APC: variants seen among roughly 807,000 people sequenced by gnomAD.
APC encodes adenomatous polyposis coli protein.
In APC, 72 loss-of-function variants were observed where a neutral mutation model predicts 247.0. The observed-to-expected ratio is 0.29, with a 90% CI of 0.24 to 0.35. The LOEUF is 0.35. APC is among the 10% of genes least tolerant of loss of function. The pLI, the probability that APC is intolerant of heterozygous loss-of-function variation, is 1.00. For synonymous variants in APC, 1,254 were observed against 1,162.5 expected (o/e 1.08, Z -1.60); for missense variants, 3,400 against 3,360.7 (o/e 1.01, Z -0.29).
In APC at chr5:112,715,401, C is replaced by G. The variant is rs138877361; in HGVS notation, c.165+7519C>G. Among the ~76,000 whole-genome samples the G allele has an allele frequency of 5.3e-4, 80 of 152,206 alleles. 1 individual carries two copies. Among genetic ancestry groups the G allele is most frequent in the African/African-American group, 1.9e-3 (77 of 41,536 alleles). On this transcript the variant is annotated intron_variant, in intron 1 of 13. Coordinates refer to the APC transcript ENST00000507379. ...AATAGAATAAAATAGGTTCAGGGGA[C>G]AGGGGATACTACTTTAGTTTGGTAA...
intron 1 of APC, among the ~76,000 whole-genome samples, chr5:112,724,366 G>A (rs763673934): frequency 3.7e-4 from 57 of 152,116 alleles, no homozygotes; most frequent in African/African-American, 1.4e-3. Context: ...CTTAGGATAG[G>A]TATAGACAGC....
rs879253876 is a variant in APC, at chr5:112,838,610, C to T, written c.3016C>T (p.His1006Tyr). The T allele has an allele frequency of 5.0e-6, 8 of 1,613,938 alleles. No homozygotes were observed. Among genetic ancestry groups the T allele is most frequent in the Non-Finnish European group, 6.8e-6 (8 of 1,180,012 alleles). The change falls in exon 16 of 16, where the codon CAT (histidine) becomes TAT (tyrosine). Residue 1006 changes from histidine (H) to tyrosine (Y), a missense_variant. By Grantham distance (83) the His-to-Tyr change is moderately conservative (BLOSUM62 2). Transcript: ENST00000257430. ...TGGTCAATACCCAGCCGACCTAGCC[C>T]ATAAAATACATAGTGCAAATCATAT... is the stretch of plus-strand genomic sequence containing the variant. ...SYGQYPADLAHKIHSANHMDD... is the reference protein window; with the variant it reads ...SYGQYPADLAYKIHSANHMDD...
chr5:112,838,805 C>T lies in APC; in HGVS notation c.3211C>T (p.Gln1071Ter), dbSNP rs876659539. The T allele has an allele frequency of 6.2e-7, 1 of 1,614,092 alleles. No individual in the cohort carries two copies. The highest frequency in any genetic ancestry group is 8.5e-7 in the Non-Finnish European group (1 of 1,179,998). The change falls in exon 16 of 16, where the codon CAA becomes TAA. Residue 1071 changes from glutamine to a stop codon, truncating the protein, a stop_gained. Coordinates refer to ENST00000257430, the MANE Select transcript of APC (RefSeq NM_000038.6). LOFTEE classifies it high-confidence loss of function. The part of the protein sequence containing the change: ...KQSEQRQSRN[Q>*]STTYPVYTES... ...AAGTGAGCAAAGACAATCAAGGAAT[C>T]AAAGTACAACTTATCCTGTTTATAC...
At chr5:112,733,455 G>C (rs563985971), upstream of APC, among the ~76,000 whole-genome samples, 1 of 152,160 alleles carries the variant, frequency 6.6e-6, no homozygotes, top group South Asian at 2.1e-4. Context: ...GATTTGAGAA[G>C]GGGCAAGGTC....
intron 6 of APC, among the ~76,000 whole-genome samples, chr5:112,784,207 A>G (rs1426014313): frequency 2.0e-5 from 3 of 152,128 alleles, no homozygotes; most frequent in Non-Finnish European, 4.4e-5. Context: ...AGCTGGGACT[A>G]TAGTTGTGTG....
Position 112,815,387 on chromosome 5 carries a change from A to G in APC, c.835-108A>G, listed in dbSNP as rs1762391122. The G allele has an allele frequency of 6.6e-6, 5 of 762,966 alleles. No homozygotes were observed. In the Admixed American group the frequency reaches 9.8e-5, roughly 15 times the overall value. The allele number at this position is 762,966 out of a possible 1,614,324, so 47.3% of individuals were successfully genotyped here. A position where few individuals can be genotyped will look rare whatever the true frequency, so the allele number is the denominator to read the frequency against. ...TATAATGGTCATACTTTTATGATGT[A>G]TTTAATTGTTTATCATACAGACACT... On this transcript the variant is annotated intron_variant, in intron 8 of 15. Transcript: ENST00000257430.
chr5:112,809,960 G>A (rs1761818860), intron 8 of APC, among the ~76,000 whole-genome samples: 2 of 152,092 alleles, frequency 1.3e-5, no homozygotes, highest in South Asian at 4.2e-4. Context: ...TCCTTCCACT[G>A]CACTCCAGCC....
At chr5:112,730,560 G>A (rs1244681631) in intron 1 of APC, among the ~76,000 whole-genome samples, 3 of 152,194 alleles carry the variant, frequency 2.0e-5, no homozygotes, top group Non-Finnish European at 4.4e-5. Context: ...AATGCCTAAC[G>A]TAATGTTTGC....
chr5:112,840,200 G>A lies in APC; in HGVS notation c.4606G>A (p.Glu1536Lys), dbSNP rs1554086001. Residue 1536 changes from glutamate (E) to lysine (K), a missense_variant, in exon 16 of 16, where the codon GAA becomes AAA. Coordinates refer to ENST00000257430, the MANE Select transcript of APC (RefSeq NM_000038.6). The surrounding 1 kb of genome is among the most constrained non-coding windows in gnomAD (Gnocchi z 4.1). ...AGTTCAGGAAAATGACAATGGGAAT[G>A]AAACAGAATCAGAGCAGCCTAAAGA... ...PPVQENDNGN[E>K]TESEQPKESN... 1 of 1,614,128 alleles carries A rather than the reference G, an allele frequency of 6.2e-7. No homozygotes were observed. Among genetic ancestry groups the A allele is most frequent in the Non-Finnish European group, 8.5e-7 (1 of 1,179,996 alleles).
rs2149931526 is a variant in APC at position 112,840,675 on chromosome 5, G to T, written c.5081G>T (p.Gly1694Val). The T allele has an allele frequency of 6.2e-7, 1 of 1,614,066 alleles. No individual in the cohort carries two copies. The highest frequency in any genetic ancestry group is 1.3e-5 in the African/African-American group (1 of 75,042). The change falls in exon 16 of 16, where the codon GGC (glycine) becomes GTC (valine). Residue 1694 changes from glycine (G) to valine (V), a missense_variant. Coordinates refer to ENST00000257430, the MANE Select transcript of APC (RefSeq NM_000038.6). This position sits in a 1 kb window ranked among gnomAD's most constrained non-coding sequence, Gnocchi z 4.1. Reference protein sequence around the residue: ...FEKRDTIPTEGRSTDEAQGGK... With the variant: ...FEKRDTIPTEVRSTDEAQGGK... ...AAACGAGATACCATTCCTACAGAAG[G>T]CAGAAGTACAGATGAGGCTCAAGGA... is the stretch of plus-strand genomic sequence containing the variant.
intron 6 of APC, 138 bp from the exon 7 acceptor site, chr5:112,792,308 A>G: frequency 3.5e-6 from 2 of 563,590 alleles, no homozygotes; most frequent in Non-Finnish European, 6.2e-6. Context: ...TAAAGGGTGA[A>G]TATATTTATA....
intron 8 of APC, chr5:112,810,385 G>A: frequency 4.0e-6 from 1 of 252,588 alleles, no homozygotes; most frequent in Non-Finnish European, 7.9e-6. Flanking sequence ...TAAAGTAGAA[G>A]GTAAAGTTAT....
Position 112,819,282 on chromosome 5 carries a change from G to A in APC, c.1250G>A (p.Cys417Tyr), listed in dbSNP as rs780178612. The change falls in exon 10 of 16, where the codon TGT becomes TAT. Residue 417 changes from cysteine (C) to tyrosine (Y), a missense_variant. By Grantham distance (194) the Cys-to-Tyr change is radical. Coordinates refer to ENST00000257430, the MANE Select transcript of APC (RefSeq NM_000038.6). ...CTTTTGGAACAGATACGCGCTTACTGTGAAACCTGTTGGGAGTGGCAGGAA... is the reference window on the plus strand; with the variant it reads ...CTTTTGGAACAGATACGCGCTTACTATGAAACCTGTTGGGAGTGGCAGGAA... The part of the protein sequence containing the change: ...LHLLEQIRAY[C>Y]ETCWEWQEAH... The A allele has an allele frequency of 6.2e-7, 1 of 1,614,070 alleles. No homozygotes were observed. The highest frequency in any genetic ancestry group is 8.5e-7 in the Non-Finnish European group (1 of 1,179,974).
chr5:112,814,355 T>G (rs186797369), intron 8 of APC, among the ~76,000 whole-genome samples: 1 of 152,246 alleles, frequency 6.6e-6, no homozygotes, highest in African/African-American at 2.4e-5. Flanking sequence ...AGATTCAAAG[T>G]GAGCTCAGTT....
chr5:112,787,339 A>G lies in APC; in HGVS notation c.646-5107A>G, dbSNP rs146535980. 8.6e-3 allele frequency among the ~76,000 whole-genome samples: 1,313 copies of G among 152,340 alleles called. 12 individuals are homozygous for G. Among genetic ancestry groups the G allele is most frequent in the Middle Eastern group, 0.02 (6 of 294 alleles). On this transcript the variant is annotated intron_variant, in intron 6 of 15. Coordinates refer to ENST00000257430, the MANE Select transcript of APC (RefSeq NM_000038.6). ...TGCCCTAGCATATATATCTAAAAGC[A>G]TAATTACTGGTCATAAGGTATGAGT...
At chr5:112,737,984 T>A in intron 1 of APC, 59 bp downstream of exon 1, 2 of 949,936 alleles carry the variant, frequency 2.1e-6, no homozygotes, top group South Asian at 9.7e-5. Flanking sequence ...AAGGTGGTTT[T>A]CCCTCGCACT....
At chr5:112,782,396 T>G (rs1053856098) in intron 6 of APC, among the ~76,000 whole-genome samples, 3 of 152,090 alleles carry the variant, frequency 2.0e-5, no homozygotes, top group African/African-American at 7.2e-5. Flanking sequence ...AGCCTAAACA[T>G]AATGTATATT....
At chr5:112,727,684 C>T (rs185825847) in intron 1 of APC, among the ~76,000 whole-genome samples, 1 of 151,996 alleles carries the variant, frequency 6.6e-6, no homozygotes, top group Admixed American at 6.6e-5. Context: ...GGGAAAAAGA[C>T]TTTAAAAAAA....
chr5:112,711,242 C>T (rs929570548), intron 1 of APC, among the ~76,000 whole-genome samples: 8 of 152,190 alleles, frequency 5.3e-5, no homozygotes, highest in African/African-American at 1.4e-4. Context: ...TTGAACTGCA[C>T]ATGCAAGGGA....
Sources: gnomAD v4.1 joint callset for allele counts (sites outside exome capture counted in the v4.1 genomes callset) on GRCh38, gnomAD v4.1.1 for gene constraint, Gnocchi (gnomAD v3.1) non-coding constraint, MANE v1.5 for transcripts, NCBI Gene and HGNC (gene_info 2026-07-23, HGNC 2026-07-21) for gene names.